The following RGS20 variants were observed in gnomAD, a reference collection of about 807,000 sequenced individuals.
The protein encoded by RGS20 is gz-selective GTPase-activating protein.
In RGS20, 30 loss-of-function variants were observed where a neutral mutation model predicts 33.6. The observed-to-expected ratio is 0.89, with a 90% CI of 0.67 to 1.21. The LOEUF (loss-of-function observed/expected upper bound fraction) is 1.21, where lower values mean the gene tolerates loss of function less well. RGS20 is among the 50% of genes most tolerant of loss of function. The pLI is 0.00. For missense variants in RGS20, 472 were observed against 502.4 expected, an observed-to-expected ratio of 0.94 and a Z score of 0.58; for synonymous variants, 208 against 197.9, an observed-to-expected ratio of 1.05 and a Z score of -0.43.
intron 3 of RGS20, among the ~76,000 whole-genome samples, chr8:53,940,709 G>A (rs1350638110): frequency 6.6e-6 from 1 of 152,216 alleles, no homozygotes; most frequent in Non-Finnish European, 1.5e-5. Context: ...AGGGGATCCC[G>A]ATACCGATGG....
At chr8:53,926,692 A>G (rs1813807072) in intron 2 of RGS20, among the ~76,000 whole-genome samples, 1 of 152,158 alleles carries the variant, frequency 6.6e-6, no homozygotes. Flanking sequence ...CAGGCGGATC[A>G]CTTGAGGTCA....
At chr8:53,911,337 A>G (rs1186015452) in intron 2 of RGS20, among the ~76,000 whole-genome samples, 1 of 152,210 alleles carries the variant, frequency 6.6e-6, no homozygotes, top group East Asian at 1.9e-4. Context: ...GATCCATAAA[A>G]CCTAAAGCCA....
chr8:53,919,268 T>C (rs190775124), intron 2 of RGS20, among the ~76,000 whole-genome samples: 1 of 152,312 alleles, frequency 6.6e-6, no homozygotes, highest in Admixed American at 6.5e-5. Context: ...AAGAGTTCTT[T>C]ATACATCCTG....
At position 53,889,721 on chromosome 8, in the gene RGS20, TTC is replaced by T. The variant is rs1812659821; in HGVS notation, c.510+10121_510+10122del. 1.3e-4 allele frequency among the ~76,000 whole-genome samples: 9 copies of T among 71,904 alleles called. No individual in the cohort carries two copies. In the South Asian group the frequency reaches 4.1e-3, roughly 33 times the overall value. 47.2% of individuals were successfully genotyped at this position (71,904 alleles called of 152,430 possible). A position where few individuals can be genotyped will look rare whatever the true frequency, so the allele number is the denominator to read the frequency against. ...TCTGGATACAAGCCATCTGTCAAAA[TTC>T]TGTGTGTGTGTGTGTGTGTGTGTGT... is the stretch of plus-strand genomic sequence containing the variant. On this transcript the variant is annotated intron_variant, in intron 2 of 5. Transcript: ENST00000297313.
At chr8:53,944,411 G>A (rs1270057014) in intron 3 of RGS20, among the ~76,000 whole-genome samples, 12 of 151,900 alleles carry the variant, frequency 7.9e-5, no homozygotes, top group Non-Finnish European at 1.5e-4. Context: ...GGTGGTGCGC[G>A]CCTGTAGTCC....
At chr8:53,894,302 T>A (rs1686835749) in intron 2 of RGS20, among the ~76,000 whole-genome samples, 1 of 152,216 alleles carries the variant, frequency 6.6e-6, no homozygotes, top group Non-Finnish European at 1.5e-5. Context: ...ATATCTACTA[T>A]TTGACACTTC....
chr8:53,940,533 T>C (rs1182761138), intron 3 of RGS20, among the ~76,000 whole-genome samples: 1 of 152,170 alleles, frequency 6.6e-6, no homozygotes, highest in African/African-American at 2.4e-5. Context: ...AATGGACTGA[T>C]CACGAACCGT....
chr8:53,857,201 C>G (rs1270906408), intron 1 of RGS20, among the ~76,000 whole-genome samples: 1 of 152,184 alleles, frequency 6.6e-6, no homozygotes, highest in Non-Finnish European at 1.5e-5. Flanking sequence ...GGAAAGGGCT[C>G]ATTTGGAAGT....
At chr8:53,881,582 A>G (rs1812385636) in intron 2 of RGS20, among the ~76,000 whole-genome samples, 1 of 151,898 alleles carries the variant, frequency 6.6e-6, no homozygotes, top group Non-Finnish European at 1.5e-5. Flanking sequence ...CTGGAATCGT[A>G]GCGCCTCCTT....
At chr8:53,927,180 GCT>G (rs1165374596) in intron 2 of RGS20, among the ~76,000 whole-genome samples, 1 of 148,054 alleles carries the variant, frequency 6.8e-6, no homozygotes, top group Non-Finnish European at 1.5e-5. Flanking sequence ...TCCTCAGGAT[GCT>G]CTTTTTGTTT....
At chr8:53,869,018 G>A (rs1352336714) in intron 1 of RGS20, among the ~76,000 whole-genome samples, 1 of 152,138 alleles carries the variant, frequency 6.6e-6, no homozygotes, top group Non-Finnish European at 1.5e-5. Context: ...CTCCCAAAGT[G>A]CTGAGATTAT....
At position 53,919,510 on chromosome 8, in the gene RGS20, T is replaced by G. The variant is rs964093249; in HGVS notation, c.511-20066T>G. On this transcript the variant is annotated intron_variant, in intron 2 of 5. Transcript: ENST00000297313. ...GCACGTGCCACTAGGCTCTGCTTAT[T>G]TTTGTATATTTTTTTTGTAGAGACA... 5.9e-5 allele frequency among the ~76,000 whole-genome samples: 9 copies of G among 152,104 alleles called. No homozygotes were observed. In the South Asian group the frequency reaches 6.2e-4, roughly 11 times the overall value.
chr8:53,923,028 T>C (rs1307148723), intron 2 of RGS20, among the ~76,000 whole-genome samples: 6 of 152,164 alleles, frequency 3.9e-5, no homozygotes, highest in African/African-American at 1.2e-4. Context: ...CAACTTTAGA[T>C]GTATACTACC....
At chr8:53,859,377 A>C (rs948978860) in intron 1 of RGS20, among the ~76,000 whole-genome samples, 1 of 152,200 alleles carries the variant, frequency 6.6e-6, no homozygotes, top group Admixed American at 6.5e-5. Context: ...GGCTAGCTTT[A>C]GTATACTGGT....
chr8:53,937,899 G>C (rs1454420334), intron 2 of RGS20, among the ~76,000 whole-genome samples: 1 of 152,228 alleles, frequency 6.6e-6, no homozygotes, highest in Non-Finnish European at 1.5e-5. Flanking sequence ...TGCTGGAGAG[G>C]ATGTGGAGAA....
intron 2 of RGS20, among the ~76,000 whole-genome samples, chr8:53,881,650 C>T (rs369071556): frequency 2.0e-5 from 3 of 152,088 alleles, no homozygotes; most frequent in African/African-American, 7.2e-5. Context: ...AAGTGGACGC[C>T]CCACGCGTGG....
chr8:53,885,823 A>G (rs1201241539), intron 2 of RGS20, among the ~76,000 whole-genome samples: 1 of 148,090 alleles, frequency 6.8e-6, no homozygotes, highest in Non-Finnish European at 1.5e-5. Flanking sequence ...GACTCCAAGA[A>G]ACCTCTTGCA....
intron 3 of RGS20, among the ~76,000 whole-genome samples, chr8:53,943,741 A>AT (rs35870078): frequency 0.45 from 67,854 of 151,882 alleles, 16,736 homozygotes; most frequent in African/African-American, 0.66. Context: ...TCTCTGAGGA[A>AT]CTCCTGTCAA....
chr8:53,937,369 T>C (rs1310315151), intron 2 of RGS20, among the ~76,000 whole-genome samples: 2 of 152,024 alleles, frequency 1.3e-5, no homozygotes, highest in East Asian at 3.9e-4. Context: ...TTACACCTTA[T>C]ACAAAAGTTA....
Sources: gnomAD v4.1 joint callset for allele counts (sites outside exome capture counted in the v4.1 genomes callset) on GRCh38, gnomAD v4.1.1 for gene constraint, MANE v1.5 for transcripts, NCBI Gene and HGNC (gene_info 2026-07-23, HGNC 2026-07-21) for gene names.